The following CADM2 variants were observed in gnomAD, a reference collection of about 807,000 sequenced individuals.
The protein encoded by CADM2 is cell adhesion molecule 2.
In CADM2, 12 loss-of-function variants were observed where a neutral mutation model predicts 49.8. The observed-to-expected ratio is 0.24, with a 90% CI of 0.15 to 0.39. The LOEUF (loss-of-function observed/expected upper bound fraction) is 0.39. Ranked by LOEUF, CADM2 falls within the 10% of genes least tolerant of loss-of-function variation. The probability of loss-of-function intolerance (pLI) is 1.00; values close to 1 mark genes in which losing one functional copy is unlikely to be tolerated. For synonymous variants in CADM2, 214 were observed against 175.4 expected (o/e 1.22, Z -1.74); for missense variants, 378 against 492.3 (o/e 0.77, Z 2.20).
intron 1 of CADM2, among the ~76,000 whole-genome samples, chr3:85,125,504 G>A (rs987312360): frequency 2.6e-5 from 4 of 152,006 alleles, no homozygotes; most frequent in South Asian, 4.2e-4. Flanking sequence ...GACTACAGGC[G>A]TGCACCACCA....
At chr3:85,847,626 G>C (rs932904756) in intron 3 of CADM2, among the ~76,000 whole-genome samples, 7 of 152,170 alleles carry the variant, frequency 4.6e-5, no homozygotes, top group African/African-American at 1.4e-4. Context: ...TTGCTTTAGA[G>C]TACCTATTAG....
At chr3:85,445,900 C>T (rs375371655) in intron 1 of CADM2, among the ~76,000 whole-genome samples, 2 of 152,078 alleles carry the variant, frequency 1.3e-5, no homozygotes, top group Non-Finnish European at 2.9e-5. Flanking sequence ...CAATATACTA[C>T]AAATTTATAC....
chr3:85,598,849 GTGTGTGTA>G (rs1415005054), intron 1 of CADM2, among the ~76,000 whole-genome samples: 3 of 94,232 alleles, frequency 3.2e-5, no homozygotes, highest in Non-Finnish European at 7.6e-5. Context: ...TTAAGTGTGT[GTGTGTGTA>G]TATATATATA....
intron 5 of CADM2, among the ~76,000 whole-genome samples, chr3:85,889,052 T>C (rs1204977913): frequency 6.6e-6 from 1 of 152,196 alleles, no homozygotes; most frequent in Non-Finnish European, 1.5e-5. Context: ...TGCCTCTCGA[T>C]TTCACAGTAT....
chr3:85,678,914 G>A (rs957589723), intron 1 of CADM2, among the ~76,000 whole-genome samples: 2 of 152,104 alleles, frequency 1.3e-5, no homozygotes. Context: ...TATCAGGAAT[G>A]CTGCTAAACA....
rs561884232 is a variant in CADM2 at position 85,867,839 on chromosome 3, CA to C, written c.239-15451del. Among the ~76,000 whole-genome samples, 5 of 152,142 alleles carry C rather than the reference CA, an allele frequency of 3.3e-5. No homozygotes were observed. In the South Asian group the frequency reaches 1.0e-3, roughly 32 times the overall value. On this transcript the variant is annotated intron_variant, in intron 3 of 9. Transcript: ENST00000383699. ...AAGACCTTCACGTGATTGATATAATCACCACTTCCTTTTCCTTTTTCTTGTA... is the reference window on the plus strand; with the variant it reads ...AAGACCTTCACGTGATTGATATAATCCCACTTCCTTTTCCTTTTTCTTGTA...
chr3:85,692,546 T>C (rs1241210189), intron 1 of CADM2, among the ~76,000 whole-genome samples: 1 of 152,240 alleles, frequency 6.6e-6, no homozygotes, highest in Non-Finnish European at 1.5e-5. Flanking sequence ...GTTTTAACCT[T>C]CAGCCCTTGA....
At chr3:85,286,169 C>T (rs2043627973) in intron 1 of CADM2, among the ~76,000 whole-genome samples, 2 of 152,074 alleles carry the variant, frequency 1.3e-5, no homozygotes, top group Admixed American at 1.3e-4. Context: ...CTCAAAGGAC[C>T]ATGGGCTAAC....
chr3:84,982,749 T>C (rs1373951204), intron 1 of CADM2, among the ~76,000 whole-genome samples: 3 of 131,538 alleles, frequency 2.3e-5, no homozygotes, highest in Non-Finnish European at 3.2e-5. Context: ...TTTTTGTTTT[T>C]TTAATTTTTT....
intron 1 of CADM2, among the ~76,000 whole-genome samples, chr3:85,170,588 C>T (rs2040598251): frequency 6.6e-6 from 1 of 152,136 alleles, no homozygotes; most frequent in Non-Finnish European, 1.5e-5. Flanking sequence ...CCGTCTCCAT[C>T]TCCCATAGTG....
At chr3:85,464,942 G>A in intron 1 of CADM2, among the ~76,000 whole-genome samples, 1 of 152,142 alleles carries the variant, frequency 6.6e-6, no homozygotes, top group East Asian at 1.9e-4. Context: ...AAGGTCAGCA[G>A]ATCAAGACCA....
chr3:85,586,143 T>G (rs1040369487), intron 1 of CADM2, among the ~76,000 whole-genome samples: 41 of 152,078 alleles, frequency 2.7e-4, no homozygotes, highest in South Asian at 1.0e-3. Flanking sequence ...CATCCACTGA[T>G]AGTCATTCAT....
intron 1 of CADM2, among the ~76,000 whole-genome samples, chr3:85,004,010 A>G (rs1247563186): frequency 6.6e-6 from 1 of 152,098 alleles, no homozygotes; most frequent in African/African-American, 2.4e-5. Flanking sequence ...AGGTAGGGTA[A>G]AATGTTTTTT....
chr3:85,613,764 G>T (rs1362036437), intron 1 of CADM2, among the ~76,000 whole-genome samples: 1 of 151,552 alleles, frequency 6.6e-6, no homozygotes. Flanking sequence ...TAAAAATCAT[G>T]TTAATATAAT....
intron 1 of CADM2, among the ~76,000 whole-genome samples, chr3:85,452,617 T>C (rs959075003): frequency 1.4e-4 from 21 of 152,232 alleles, no homozygotes; most frequent in African/African-American, 4.8e-4. Context: ...CCATCAGTCT[T>C]TGTTCTTTGA....
At chr3:85,627,850 G>A (rs960843189) in intron 1 of CADM2, among the ~76,000 whole-genome samples, 1 of 151,994 alleles carries the variant, frequency 6.6e-6, no homozygotes, top group Non-Finnish European at 1.5e-5. Context: ...GTAGAGAATT[G>A]GACAACTGCG....
intron 2 of CADM2, among the ~76,000 whole-genome samples, chr3:85,796,025 G>A (rs1472519863): frequency 1.3e-5 from 2 of 152,154 alleles, no homozygotes; most frequent in Admixed American, 6.5e-5. Flanking sequence ...TTTGAAAATT[G>A]TTTTGTAAAT....
At chr3:85,165,107 A>T (rs2040434493) in intron 1 of CADM2, among the ~76,000 whole-genome samples, 1 of 151,776 alleles carries the variant, frequency 6.6e-6, no homozygotes, top group Admixed American at 6.6e-5. Flanking sequence ...AATTTTTGGT[A>T]TTAAATATAA....
intron 1 of CADM2, among the ~76,000 whole-genome samples, chr3:85,100,471 A>T (rs1246953966): frequency 6.6e-6 from 1 of 152,202 alleles, no homozygotes; most frequent in Non-Finnish European, 1.5e-5. Flanking sequence ...TAAAGCATCA[A>T]CCAAAACTAG....
Sources: gnomAD v4.1 joint callset for allele counts (sites outside exome capture counted in the v4.1 genomes callset) on GRCh38, gnomAD v4.1.1 for gene constraint, MANE v1.5 for transcripts, NCBI Gene and HGNC (gene_info 2026-07-23, HGNC 2026-07-21) for gene names.